USP34: variants seen among roughly 807,000 people sequenced by gnomAD.
The protein encoded by USP34 is ubiquitin specific peptidase 34.
A neutral mutation model predicts 460.3 loss-of-function variants in USP34; 70 were observed. The observed-to-expected ratio is 0.15, with a 90% CI of 0.13 to 0.19. The LOEUF (loss-of-function observed/expected upper bound fraction) is 0.19. USP34 is among the 10% of genes least tolerant of loss of function. USP34 has a pLI of 1.00. For missense variants in USP34, 3,985 were observed against 4,236.2 expected (o/e 0.94, Z 1.65); for synonymous variants, 1,647 against 1,405.3 (o/e 1.17, Z -3.85).
chr2:61,194,331 A>C (rs1686731209), intron 75 of USP34: 1 of 981,714 alleles, frequency 1.0e-6, no homozygotes, highest in South Asian at 4.7e-5. Context: ...ACACATAGGT[A>C]AACAAGGACA....
intron 2 of USP34, among the ~76,000 whole-genome samples, chr2:61,419,854 C>T (rs1694307116): frequency 6.6e-6 from 1 of 152,098 alleles, no homozygotes; most frequent in Non-Finnish European, 1.5e-5. Context: ...AGCAACCACT[C>T]CTAAACTTAC....
intron 1 of USP34, among the ~76,000 whole-genome samples, chr2:61,470,242 A>T (rs961779434): frequency 7.2e-5 from 11 of 152,164 alleles, no homozygotes; most frequent in Non-Finnish European, 1.5e-4. Flanking sequence ...GCTGGAAATC[A>T]AAGAGGGCGG....
intron 1 of USP34, among the ~76,000 whole-genome samples, chr2:61,463,773 G>A (rs1695677953): frequency 6.6e-6 from 1 of 151,388 alleles, no homozygotes; most frequent in Non-Finnish European, 1.5e-5. Flanking sequence ...GGCGGAGGTT[G>A]CAATGAGCCG....
intron 16 of USP34, 112 bp downstream of exon 16, chr2:61,343,703 G>C: frequency 8.8e-7 from 1 of 1,133,260 alleles, no homozygotes; most frequent in Non-Finnish European, 1.2e-6. Flanking sequence ...AAGTTATTTT[G>C]ACAAAAACAT....
intron 43 of USP34, among the ~76,000 whole-genome samples, chr2:61,260,984 T>A (rs1688861222): frequency 6.6e-6 from 1 of 152,206 alleles, no homozygotes; most frequent in South Asian, 2.1e-4. Flanking sequence ...TGTGTTCACA[T>A]CCATTAGGAT....
intron 41 of USP34, among the ~76,000 whole-genome samples, chr2:61,275,097 C>T (rs560388679): frequency 5.9e-5 from 9 of 152,030 alleles, no homozygotes; most frequent in South Asian, 2.1e-4. Flanking sequence ...GGCAACATGG[C>T]GAAATCCCGT....
intron 1 of USP34, among the ~76,000 whole-genome samples, chr2:61,447,398 A>G (rs1201428634): frequency 6.6e-6 from 1 of 152,096 alleles, no homozygotes; most frequent in African/African-American, 2.4e-5. Context: ...TTTCTATCAA[A>G]GCTCAAATTT....
rs1241520940 is a variant in USP34, at chr2:61,349,264, GTTC to G, written c.1526_1528del (p.Arg509del). ...GCTCAACTTACAAGGTGATGGAGCTGTTCTTCTAAGCTCTTCTTCCTCTGAAGG... is the reference window on the plus strand; with the variant it reads ...GCTCAACTTACAAGGTGATGGAGCTGTTCTAAGCTCTTCTTCCTCTGAAGG... On this transcript the variant is annotated inframe_deletion, in exon 13 of 80. Transcript: ENST00000398571. 1 of 1,613,416 alleles carries G rather than the reference GTTC, an allele frequency of 6.2e-7. No individual in the cohort carries two copies. Among genetic ancestry groups the G allele is most frequent in the African/African-American group, 1.3e-5 (1 of 75,024 alleles).
Position 61,223,241 on chromosome 2 carries a change from GTAC to G in USP34, c.7644+4_7644+6del. ...ATCAAATTGTCTAATATTAGAGAAT[GTAC>G]TACCTTTCCTCCTGTTAATGCTGCC... On this transcript the variant is annotated splice_donor_5th_base_variant and intron_variant, in intron 63 of 79. Transcript: ENST00000398571. 2 of 1,613,742 alleles carry G rather than the reference GTAC, an allele frequency of 1.2e-6. No homozygotes were observed. Among genetic ancestry groups the G allele is most frequent in the Non-Finnish European group, 1.7e-6 (2 of 1,179,734 alleles).
chr2:61,404,545 G>A (rs973101940), intron 3 of USP34, among the ~76,000 whole-genome samples: 1 of 152,138 alleles, frequency 6.6e-6, no homozygotes, highest in Non-Finnish European at 1.5e-5. Flanking sequence ...CCTTCCTGGA[G>A]CACTGCTAAG....
At chr2:61,365,294 T>TACACAC (rs1255160949) in intron 10 of USP34, among the ~76,000 whole-genome samples, 25 of 109,752 alleles carry the variant, frequency 2.3e-4, no homozygotes, top group African/African-American at 1.2e-4. Context: ...CACACACACG[T>TACACAC]GTGTTTATTT....
At chr2:61,192,314 C>G (rs1285631335) in intron 76 of USP34, among the ~76,000 whole-genome samples, 1 of 152,248 alleles carries the variant, frequency 6.6e-6, no homozygotes, top group African/African-American at 2.4e-5. Flanking sequence ...GTACCTCCTC[C>G]TCTTCCCAAT....
chr2:61,309,260 C>A (rs1217129990), intron 27 of USP34, among the ~76,000 whole-genome samples: 8 of 152,116 alleles, frequency 5.3e-5, no homozygotes, highest in Admixed American at 5.2e-4. Context: ...AAAAACATTC[C>A]TCTGTCAGTT....
At chr2:61,258,044 C>T (rs1177927891) in intron 44 of USP34, among the ~76,000 whole-genome samples, 4 of 152,072 alleles carry the variant, frequency 2.6e-5, no homozygotes, top group Non-Finnish European at 4.4e-5. Flanking sequence ...TCAAATGGCA[C>T]TTGCAGCTCT....
chr2:61,442,354 A>C (rs1694989576), intron 1 of USP34, among the ~76,000 whole-genome samples: 2 of 151,410 alleles, frequency 1.3e-5, no homozygotes, highest in African/African-American at 2.4e-5. Flanking sequence ...CAAATTACTC[A>C]TCTGAGGGGA....
intron 32 of USP34, among the ~76,000 whole-genome samples, chr2:61,293,926 G>T (rs1366935017): frequency 6.6e-6 from 1 of 151,498 alleles, no homozygotes; most frequent in Non-Finnish European, 1.5e-5. Context: ...GAGGCAGGAG[G>T]ATCACTCGAA....
At chr2:61,421,322 G>C (rs1005818792) in intron 1 of USP34, among the ~76,000 whole-genome samples, 3 of 152,184 alleles carry the variant, frequency 2.0e-5, no homozygotes, top group African/African-American at 7.2e-5. Context: ...ATCAGCAGTA[G>C]CCACAGAGCA....
intron 1 of USP34, among the ~76,000 whole-genome samples, chr2:61,429,648 A>G (rs1694610264): frequency 6.6e-6 from 1 of 152,190 alleles, no homozygotes; most frequent in African/African-American, 2.4e-5. Flanking sequence ...ATATGCCAAC[A>G]TACGGAATTC....
intron 1 of USP34, among the ~76,000 whole-genome samples, chr2:61,456,377 T>C (rs939851748): frequency 6.6e-6 from 1 of 152,214 alleles, no homozygotes; most frequent in African/African-American, 2.4e-5. Flanking sequence ...GTCAATAATA[T>C]ATGAAATGAC....
Sources: gnomAD v4.1 joint callset for allele counts (sites outside exome capture counted in the v4.1 genomes callset) on GRCh38, gnomAD v4.1.1 for gene constraint, MANE v1.5 for transcripts, NCBI Gene and HGNC (gene_info 2026-07-23, HGNC 2026-07-21) for gene names.